NAV1: variants seen among roughly 807,000 people sequenced by gnomAD.
NAV1 encodes the protein neuron navigator 1.
A neutral mutation model predicts 175.2 loss-of-function variants in NAV1; 18 were observed. The observed-to-expected ratio is 0.10, with a 90% CI of 0.07 to 0.15. The LOEUF is 0.15. Among genes scored for constraint, NAV1 ranks in the 10% least tolerant of loss-of-function variants. The probability of loss-of-function intolerance (pLI) is 1.00; values close to 1 mark genes in which losing one functional copy is unlikely to be tolerated. For missense variants in NAV1, 1,731 were observed against 2,436.6 expected, an observed-to-expected ratio of 0.71 and a Z score of 6.10; for synonymous variants, 897 against 978.7, an observed-to-expected ratio of 0.92 and a Z score of 1.56.
intron 1 of NAV1, among the ~76,000 whole-genome samples, chr1:201,561,161 C>T (rs546962105): frequency 1.3e-4 from 20 of 152,304 alleles, no homozygotes; most frequent in African/African-American, 4.1e-4. Context: ...ATGGGAGCTC[C>T]TTTGTGAGTC....
rs1678724031 is a variant in NAV1 at position 201,812,028 on chromosome 1, C to T, written c.5024+54C>T. On this transcript the variant is annotated intron_variant, in intron 26 of 29. Coordinates refer to ENST00000367296, the Ensembl canonical transcript of NAV1. The surrounding 1 kb of genome is among the most constrained non-coding windows in gnomAD (Gnocchi z 4.6). ...CTGACCCTACCCAAGAGTCTTCAAT[C>T]CTGGACTCTGGCCAGGAGGCAGTAG... 6.5e-7 allele frequency: 1 copy of T among 1,531,476 alleles called. No individual in the cohort carries two copies. The highest frequency in any genetic ancestry group is 9.1e-7 in the Non-Finnish European group (1 of 1,104,790). 94.9% of individuals were successfully genotyped at this position (1,531,476 alleles called of 1,614,324 possible). A position where few individuals can be genotyped will look rare whatever the true frequency, so the allele number is the denominator to read the frequency against.
At chr1:201,814,369 CA>C (rs11436961) in intron 28 of NAV1, among the ~76,000 whole-genome samples, 5 of 147,746 alleles carry the variant, frequency 3.4e-5, no homozygotes, top group African/African-American at 2.5e-5. Context: ...GAACCTGTCT[CA>C]AAAAAAAAAA....
At chr1:201,676,605 G>A (rs1268099225) in intron 1 of NAV1, among the ~76,000 whole-genome samples, 2 of 152,112 alleles carry the variant, frequency 1.3e-5, no homozygotes, top group Non-Finnish European at 2.9e-5. Context: ...GGGGTTCCCG[G>A]TAGCTCCTCC....
At chr1:201,756,047 C>T (rs548338506) in intron 3 of NAV1, among the ~76,000 whole-genome samples, 2 of 146,054 alleles carry the variant, frequency 1.4e-5, no homozygotes, top group African/African-American at 5.2e-5. Flanking sequence ...TCAGAGGTTG[C>T]AGTGAGCTGA....
chr1:201,625,077 T>C (rs1438718564), intron 1 of NAV1, among the ~76,000 whole-genome samples: 1 of 152,206 alleles, frequency 6.6e-6, no homozygotes, highest in East Asian at 1.9e-4. Flanking sequence ...TCATTTAGAC[T>C]GTTACATTCA....
rs182953791 is a variant in NAV1, at chr1:201,756,689, A to G, written c.1227-23732A>G. ...TTCTCTGCATTTTCACCCTGAAGAAAAATTCCTTCTCCAGACCAATAGGTT... is the reference window on the plus strand; with the variant it reads ...TTCTCTGCATTTTCACCCTGAAGAAGAATTCCTTCTCCAGACCAATAGGTT... On this transcript the variant is annotated intron_variant, in intron 3 of 29. Coordinates refer to ENST00000367296, the Ensembl canonical transcript of NAV1. Among the ~76,000 whole-genome samples the G allele has an allele frequency of 1.6e-3, 247 of 152,306 alleles. 4 individuals carry two copies. The highest frequency in any genetic ancestry group is 2.8e-4 in the Non-Finnish European group (19 of 68,028).
In NAV1 at chr1:201,814,551, G is replaced by A. The variant is rs1355515308; in HGVS notation, c.5340+1293G>A. Reference sequence around the variant, plus strand: ...TAGACCCATGGGTCATATATTATCTGTAAAAGTAACTTGTTATTGAGATAG... The same window carrying A: ...TAGACCCATGGGTCATATATTATCTATAAAAGTAACTTGTTATTGAGATAG... On this transcript the variant is annotated intron_variant, in intron 28 of 29. Coordinates refer to ENST00000367296, the Ensembl canonical transcript of NAV1. Among the ~76,000 whole-genome samples, 7 of 152,078 alleles carry A rather than the reference G, an allele frequency of 4.6e-5. No homozygotes were observed. In the South Asian group the frequency reaches 1.5e-3, roughly 32 times the overall value.
chr1:201,594,535 C>G (rs1318234443), intron 2 of NAV1, among the ~76,000 whole-genome samples: 1 of 152,230 alleles, frequency 6.6e-6, no homozygotes, highest in Non-Finnish European at 1.5e-5. Context: ...ATGCAGGCCC[C>G]ATAAACTCTC....
intron 2 of NAV1, among the ~76,000 whole-genome samples, chr1:201,642,188 CCCTCCTTT>C (rs144343539): frequency 0.013 from 1,775 of 138,890 alleles, 41 homozygotes; most frequent in African/African-American, 0.044. Context: ...TTCCTTCCTT[CCCTCCTTT>C]CTTCCTTTCT....
chr1:201,655,255 CCCCAAAG>C lies in NAV1; in HGVS notation c.757+5854_757+5860del, dbSNP rs553434069. 1.8e-3 allele frequency among the ~76,000 whole-genome samples: 274 copies of C among 152,260 alleles called. 1 individual carries two copies. Among genetic ancestry groups the C allele is most frequent in the Middle Eastern group, 6.8e-3 (2 of 292 alleles). On this transcript the variant is annotated intron_variant, in intron 1 of 29. Coordinates refer to ENST00000367296, the Ensembl canonical transcript of NAV1. ...CCTGGCCCAACCAGGAAGCTCTCCT[CCCCAAAG>C]CCCAAAGCCCAAAGCCCAAAGCCTT...
chr1:201,771,116 C>T (rs1675547171), intron 3 of NAV1, among the ~76,000 whole-genome samples: 3 of 151,892 alleles, frequency 2.0e-5, no homozygotes, highest in Admixed American at 6.6e-5. Flanking sequence ...ATCTTAAGTG[C>T]TACTGAAAGG....
chr1:201,681,853 G>A (rs759574118), intron 1 of NAV1, among the ~76,000 whole-genome samples: 5 of 152,030 alleles, frequency 3.3e-5, no homozygotes, highest in Non-Finnish European at 4.4e-5. Context: ...TGTGGCTCAC[G>A]CCTATAATCC....
chr1:201,791,593 T>C (rs772736705), intron 13 of NAV1: 5 of 152,238 alleles, frequency 3.3e-5, no homozygotes, highest in Non-Finnish European at 5.9e-5. Flanking sequence ...AAAGTAACCA[T>C]GTCTGCAATT....
chr1:201,700,671 A>T (rs961254885), intron 1 of NAV1, among the ~76,000 whole-genome samples: 3 of 152,188 alleles, frequency 2.0e-5, no homozygotes, highest in African/African-American at 7.2e-5. Flanking sequence ...AATAGCAAAG[A>T]CTTGGAACCA....
chr1:201,808,955 C>T lies in NAV1; in HGVS notation c.4207+84C>T. The stretch of plus-strand genomic sequence containing the variant: ...GTTACACCATTCCACTTGCTTTGGT[C>T]AGGGCGGTAACAATGCCGAAGCCAA... On this transcript the variant is annotated intron_variant, in intron 20 of 29. Transcript: ENST00000367296. The surrounding 1 kb of genome is among the most constrained non-coding windows in gnomAD (Gnocchi z 5.5). 6.6e-7 allele frequency: 1 copy of T among 1,517,812 alleles called. No individual in the cohort carries two copies. Among genetic ancestry groups the T allele is most frequent in the Non-Finnish European group, 8.9e-7 (1 of 1,118,598 alleles). 94.0% of individuals were successfully genotyped at this position (1,517,812 alleles called of 1,614,324 possible).
Position 201,539,618 on chromosome 1 carries a change from G to A in NAV1, c.-144+276G>A, listed in dbSNP as rs1411389533. 2.0e-5 allele frequency among the ~76,000 whole-genome samples: 3 copies of A among 152,172 alleles called. No homozygotes were observed. The highest frequency in any genetic ancestry group is 2.9e-5 in the Non-Finnish European group (2 of 68,026). ...CTAGAGTTGACTCTCCGGGGGGGCTGCCTAACTTCAGTCCCTCTGAGCCTC... is the reference window on the plus strand; with the variant it reads ...CTAGAGTTGACTCTCCGGGGGGGCTACCTAACTTCAGTCCCTCTGAGCCTC... On this transcript the variant is annotated intron_variant, in intron 1 of 33. Coordinates refer to the NAV1 transcript ENST00000685211. This position sits in a 1 kb window ranked among gnomAD's most constrained non-coding sequence, Gnocchi z 5.6.
intron 2 of NAV1, among the ~76,000 whole-genome samples, chr1:201,597,078 G>A (rs981504025): frequency 3.3e-5 from 5 of 152,018 alleles, no homozygotes; most frequent in Non-Finnish European, 2.9e-5. Flanking sequence ...CTCCTGCCTC[G>A]GCCTCCCAAA....
chr1:201,665,819 T>C (rs759667988), intron 1 of NAV1, among the ~76,000 whole-genome samples: 6 of 151,966 alleles, frequency 3.9e-5, no homozygotes, highest in Non-Finnish European at 8.8e-5. Flanking sequence ...TTCTACCATC[T>C]ACGTTGCATC....
At chr1:201,710,399 G>C (rs1366639949) in intron 1 of NAV1, among the ~76,000 whole-genome samples, 1 of 151,468 alleles carries the variant, frequency 6.6e-6, no homozygotes, top group Non-Finnish European at 1.5e-5. Context: ...TGATCTTCCT[G>C]CCTCAGCCTC....
Sources: gnomAD v4.1 joint callset for allele counts (sites outside exome capture counted in the v4.1 genomes callset) on GRCh38, gnomAD v4.1.1 for gene constraint, Gnocchi (gnomAD v3.1) non-coding constraint, MANE v1.5 for transcripts, NCBI Gene and HGNC (gene_info 2026-07-23, HGNC 2026-07-21) for gene names.